The following KCND2 variants were observed in gnomAD, a reference collection of about 807,000 sequenced individuals.
KCND2 encodes the protein A-type voltage-gated potassium channel KCND2.
In KCND2, 16 loss-of-function variants were observed where a neutral mutation model predicts 54.4. That is an observed-to-expected ratio of 0.29 (90% confidence interval 0.20 to 0.45). The LOEUF (loss-of-function observed/expected upper bound fraction) is 0.45. KCND2 is among the 20% of genes least tolerant of loss of function. The pLI, the probability that KCND2 is intolerant of heterozygous loss-of-function variation, is 1.00. For synonymous variants in KCND2, 317 were observed against 310.7 expected (o/e 1.02, Z -0.21); for missense variants, 486 against 824.2 (o/e 0.59, Z 5.02).
At chr7:120,387,145 C>T (rs1190003161) in intron 1 of KCND2, among the ~76,000 whole-genome samples, 1 of 152,044 alleles carries the variant, frequency 6.6e-6, no homozygotes, top group East Asian at 1.9e-4. Flanking sequence ...CCACTAAATT[C>T]CCAGCAGCTA....
intron 1 of KCND2, among the ~76,000 whole-genome samples, chr7:120,604,982 ACAGTG>A (rs1792863079): frequency 6.6e-6 from 1 of 152,168 alleles, no homozygotes; most frequent in Non-Finnish European, 1.5e-5. Flanking sequence ...TTTGAAGTAA[ACAGTG>A]CATTTTTATT....
intron 1 of KCND2, among the ~76,000 whole-genome samples, chr7:120,554,280 A>G (rs547037967): frequency 6.6e-5 from 10 of 152,158 alleles, no homozygotes; most frequent in Non-Finnish European, 1.3e-4. Flanking sequence ...TTTCAAGTAT[A>G]GGTTAGAGCA....
At chr7:120,336,096 T>A (rs1584735902) in intron 1 of KCND2, among the ~76,000 whole-genome samples, 1 of 122,738 alleles carries the variant, frequency 8.1e-6, no homozygotes, top group Non-Finnish European at 1.8e-5. Context: ...TAGTTATATA[T>A]TTTTTCTTTT....
chr7:120,530,452 A>T (rs1306363201), intron 1 of KCND2, among the ~76,000 whole-genome samples: 1 of 152,130 alleles, frequency 6.6e-6, no homozygotes, highest in Non-Finnish European at 1.5e-5. Context: ...ATTATTACCC[A>T]CCATCCTTCT....
chr7:120,370,858 C>T (rs1800754830), intron 1 of KCND2, among the ~76,000 whole-genome samples: 1 of 151,988 alleles, frequency 6.6e-6, no homozygotes, highest in African/African-American at 2.4e-5. Context: ...TATTTAGAAT[C>T]AATTTTCTTT....
chr7:120,274,255 C>T lies in KCND2; in HGVS notation c.-378C>T, dbSNP rs1426989216. On this transcript the variant is annotated 5_prime_UTR_variant, in exon 1 of 6. Transcript: ENST00000331113. ...TCTTCTCTATCCTACACTCCACATA[C>T]TGACCCTATATTATCCAGACTGTGC... The T allele has an allele frequency of 1.4e-5, 5 of 349,110 alleles. No homozygotes were observed. Among genetic ancestry groups the T allele is most frequent in the Non-Finnish European group, 2.7e-5 (5 of 187,326 alleles). The allele number at this position is 349,110 out of a possible 1,614,324, so 21.6% of individuals were successfully genotyped here. A position where few individuals can be genotyped will look rare whatever the true frequency, so the allele number is the denominator to read the frequency against.
At chr7:120,528,988 T>A (rs1791810679) in intron 1 of KCND2, among the ~76,000 whole-genome samples, 1 of 152,230 alleles carries the variant, frequency 6.6e-6, no homozygotes. Context: ...ATCTTATGAA[T>A]TGATGTCTCT....
chr7:120,539,509 C>T (rs1177741010), intron 1 of KCND2, among the ~76,000 whole-genome samples: 1 of 152,172 alleles, frequency 6.6e-6, no homozygotes, highest in African/African-American at 2.4e-5. Flanking sequence ...CACTGAAAAA[C>T]GAGGCTCTCC....
intron 1 of KCND2, among the ~76,000 whole-genome samples, chr7:120,328,916 T>A (rs1800021983): frequency 6.6e-6 from 1 of 152,204 alleles, no homozygotes; most frequent in African/African-American, 2.4e-5. Context: ...CATGTTTTTA[T>A]CTCTCTAAAG....
At chr7:120,643,137 A>C (rs1342044445) in intron 1 of KCND2, among the ~76,000 whole-genome samples, 1 of 152,194 alleles carries the variant, frequency 6.6e-6, no homozygotes, top group Non-Finnish European at 1.5e-5. Flanking sequence ...TTTACAGAAT[A>C]AGGTGCTATT....
At chr7:120,323,968 C>T (rs1799933229) in intron 1 of KCND2, among the ~76,000 whole-genome samples, 1 of 126,984 alleles carries the variant, frequency 7.9e-6, no homozygotes, top group South Asian at 2.9e-4. Flanking sequence ...CTGTTGTTTC[C>T]TGACTTTTTA....
chr7:120,417,894 G>T (rs937016535), intron 1 of KCND2, among the ~76,000 whole-genome samples: 2 of 152,160 alleles, frequency 1.3e-5, no homozygotes, highest in Non-Finnish European at 2.9e-5. Context: ...TCTAGGCCCT[G>T]CTGTGTAGAT....
intron 1 of KCND2, among the ~76,000 whole-genome samples, chr7:120,527,104 A>G (rs1791786049): frequency 6.6e-6 from 1 of 152,154 alleles, no homozygotes; most frequent in African/African-American, 2.4e-5. Flanking sequence ...AGTCACATCA[A>G]TATATTTACC....
At chr7:120,510,823 A>G (rs1315168568) in intron 1 of KCND2, among the ~76,000 whole-genome samples, 3 of 151,856 alleles carry the variant, frequency 2.0e-5, no homozygotes, top group African/African-American at 7.3e-5. Context: ...TCAATTCTCC[A>G]TGCAGCAGCC....
intron 1 of KCND2, among the ~76,000 whole-genome samples, chr7:120,492,503 C>T (rs976603232): frequency 6.6e-6 from 1 of 151,966 alleles, no homozygotes; most frequent in Non-Finnish European, 1.5e-5. Context: ...TTATCGCTCA[C>T]AGTTCTGGAG....
intron 1 of KCND2, among the ~76,000 whole-genome samples, chr7:120,638,958 G>A (rs1250231082): frequency 2.0e-5 from 3 of 152,064 alleles, no homozygotes; most frequent in Admixed American, 6.6e-5. Flanking sequence ...AAATTATGCA[G>A]GTTATCACTT....
chr7:120,632,870 C>T (rs760319029), intron 1 of KCND2, among the ~76,000 whole-genome samples: 1 of 152,156 alleles, frequency 6.6e-6, no homozygotes. Flanking sequence ...CAACATCTAC[C>T]TCATTGGTGG....
At chr7:120,522,081 A>G (rs758772406) in intron 1 of KCND2, among the ~76,000 whole-genome samples, 1 of 152,096 alleles carries the variant, frequency 6.6e-6, no homozygotes, top group African/African-American at 2.4e-5. Context: ...TCAGCTTCCA[A>G]TCTGACTTTT....
chr7:120,588,242 G>A (rs1432978513), intron 1 of KCND2, among the ~76,000 whole-genome samples: 1 of 152,120 alleles, frequency 6.6e-6, no homozygotes. Flanking sequence ...ACAGGTGTGT[G>A]TGAGGTTTAA....
Sources: allele counts gnomAD v4.1 joint callset (sites outside exome capture counted in the v4.1 genomes callset), GRCh38; gene constraint gnomAD v4.1.1; transcripts MANE v1.5; gene names NCBI Gene and HGNC (gene_info 2026-07-23, HGNC 2026-07-21).